SOX6: variants seen among roughly 807,000 people sequenced by gnomAD.
SOX6 encodes the protein SRY-box transcription factor 6.
Under a neutral mutation model 97.8 loss-of-function variants are expected in SOX6, and 11 were observed. The ratio of observed to expected loss-of-function variants is 0.11; its 90% CI spans 0.07 to 0.19. The LOEUF (loss-of-function observed/expected upper bound fraction) is 0.19. SOX6 is among the 10% of genes least tolerant of loss of function. SOX6 has a pLI of 1.00. For missense variants in SOX6, 810 were observed against 1,039.5 expected (o/e 0.78, Z 3.04); for synonymous variants, 360 against 371.4 (o/e 0.97, Z 0.35).
intron 4 of SOX6, among the ~76,000 whole-genome samples, chr11:16,583,640 C>CATATGTATATATATAT (rs1342015213): frequency 2.2e-5 from 2 of 92,840 alleles, no homozygotes; most frequent in Non-Finnish European, 5.0e-5. Context: ...TATATATACA[C>CATATGTATATATATAT]ATACACACAC....
intron 4 of SOX6, chr11:16,484,259 A>G: frequency 9.1e-7 from 1 of 1,093,444 alleles, no homozygotes; most frequent in Non-Finnish European, 1.4e-6. Context: ...TGTGTCCAGA[A>G]TGTTGGTGTC....
At chr11:16,624,119 C>A (rs1176006157) in intron 3 of SOX6, among the ~76,000 whole-genome samples, 1 of 152,068 alleles carries the variant, frequency 6.6e-6, no homozygotes, top group Non-Finnish European at 1.5e-5. Context: ...TTTGTTTACT[C>A]AACAGAATGT....
At chr11:15,997,259 A>G (rs1854252488) in intron 13 of SOX6, among the ~76,000 whole-genome samples, 1 of 152,182 alleles carries the variant, frequency 6.6e-6, no homozygotes, top group Non-Finnish European at 1.5e-5. Flanking sequence ...CCACAAAGAA[A>G]ATTGAAGCCC....
chr11:16,089,365 A>C (rs908494166), intron 9 of SOX6, among the ~76,000 whole-genome samples: 1 of 152,136 alleles, frequency 6.6e-6, no homozygotes, highest in African/African-American at 2.4e-5. Flanking sequence ...ATAAGAGAAG[A>C]ATGAAAGGTA....
chr11:16,639,755 A>AT (rs1300717981), intron 3 of SOX6, among the ~76,000 whole-genome samples: 3 of 152,064 alleles, frequency 2.0e-5, no homozygotes, highest in African/African-American at 4.8e-5. Context: ...TTGCACATTG[A>AT]TTTTGTATCC....
chr11:16,364,073 T>C (rs1473703263), intron 1 of SOX6, among the ~76,000 whole-genome samples: 2 of 152,176 alleles, frequency 1.3e-5, no homozygotes, highest in Admixed American at 6.6e-5. Flanking sequence ...TACTGGCATA[T>C]TATATTACCC....
intron 4 of SOX6, among the ~76,000 whole-genome samples, chr11:16,511,032 A>C (rs1860872913): frequency 6.6e-6 from 1 of 152,170 alleles, no homozygotes. Context: ...AGGGAAGGAT[A>C]CTAAGACGAA....
chr11:16,277,288 C>G (rs1460283741), intron 3 of SOX6, among the ~76,000 whole-genome samples: 1 of 151,988 alleles, frequency 6.6e-6, no homozygotes. Flanking sequence ...AGAGATCTCC[C>G]TCTTATCCCT....
chr11:16,321,102 G>T (rs184673772), intron 2 of SOX6, among the ~76,000 whole-genome samples: 220 of 152,190 alleles, frequency 1.4e-3, no homozygotes, highest in Non-Finnish European at 2.8e-3. Context: ...CCACTTGTGT[G>T]AATGAAAATG....
chr11:16,712,327 A>G (rs113128015), intron 3 of SOX6, among the ~76,000 whole-genome samples: 3,539 of 152,086 alleles, frequency 0.023, 146 homozygotes, highest in African/African-American at 0.081. Context: ...TCTCCACACC[A>G]TTTTCCATAG....
rs564473374 is a variant in SOX6 at position 16,084,810 on chromosome 11, G to A, written c.1101+11186C>T. Among the ~76,000 whole-genome samples, 4 of 152,214 alleles carry A rather than the reference G, an allele frequency of 2.6e-5. No homozygotes were observed. The South Asian group carries it at 6.2e-4, about 24-fold the overall frequency. On this transcript the variant is annotated intron_variant, in intron 9 of 15. Coordinates refer to ENST00000683767, the MANE Select transcript of SOX6 (RefSeq NM_001367873.1). ...AGTCATCTTTCTGTTTCACAGTGGG[G>A]TATGTCTGTATTTGGCAATAGAGTT...
At chr11:16,341,739 T>G (rs1432697463) in intron 1 of SOX6, among the ~76,000 whole-genome samples, 1 of 152,144 alleles carries the variant, frequency 6.6e-6, no homozygotes, top group East Asian at 1.9e-4. Flanking sequence ...GAAAATATAA[T>G]CAGGAGAGTA....
At chr11:15,978,970 A>G (rs1177045198) in intron 15 of SOX6, among the ~76,000 whole-genome samples, 1 of 126,752 alleles carries the variant, frequency 7.9e-6, no homozygotes, top group African/African-American at 2.7e-5. Context: ...TATTTTATAT[A>G]TATGAGCATA....
At chr11:16,513,263 A>G (rs1391906875) in intron 4 of SOX6, among the ~76,000 whole-genome samples, 1 of 152,236 alleles carries the variant, frequency 6.6e-6, no homozygotes, top group Non-Finnish European at 1.5e-5. Context: ...GATAATTTAA[A>G]AAGAAATAAA....
chr11:16,490,362 CT>C (rs1204886477), intron 4 of SOX6, among the ~76,000 whole-genome samples: 1 of 151,804 alleles, frequency 6.6e-6, no homozygotes, highest in Non-Finnish European at 1.5e-5. Flanking sequence ...CTATGACCCC[CT>C]AGGTATACTC....
At chr11:16,176,953 T>G (rs1299315781) in intron 6 of SOX6, among the ~76,000 whole-genome samples, 1 of 151,856 alleles carries the variant, frequency 6.6e-6, no homozygotes. Flanking sequence ...ATCTAAAGGC[T>G]TTGGACTAGA....
At chr11:16,271,034 T>C (rs1409717815) in intron 3 of SOX6, among the ~76,000 whole-genome samples, 1 of 151,466 alleles carries the variant, frequency 6.6e-6, no homozygotes, top group Non-Finnish European at 1.5e-5. Context: ...ATATTTATTT[T>C]ACCACAGTAG....
intron 9 of SOX6, among the ~76,000 whole-genome samples, chr11:16,090,436 T>A (rs1455108): frequency 0.021 from 3,174 of 152,178 alleles, 106 homozygotes; most frequent in African/African-American, 0.072. Flanking sequence ...TCTGCTTCAC[T>A]GACTACAATG....
rs762514628 is a variant in SOX6 at position 16,096,056 on chromosome 11, G to C, written c.1041C>G (p.Gly347=). 1.2e-6 allele frequency: 2 copies of C among 1,611,276 alleles called. No individual in the cohort carries two copies. Among genetic ancestry groups the C allele is most frequent in the Non-Finnish European group, 1.7e-6 (2 of 1,178,528 alleles). Residue 347 remains glycine (G), a synonymous_variant, in exon 9 of 16, where the codon GGC becomes GGG. Coordinates refer to ENST00000683767, the MANE Select transcript of SOX6 (RefSeq NM_001367873.1). The part of the protein sequence containing the change: ...QRLKGLSDRF[G]RNLDTFEHGG... ...CATGTTCAAAGGTGTCCAAATTCCTGCCAAAACGGTCACTTAGGCCCTTTA... is the reference window on the plus strand; with the variant it reads ...CATGTTCAAAGGTGTCCAAATTCCTCCCAAAACGGTCACTTAGGCCCTTTA...
Sources: gnomAD v4.1 joint callset for allele counts (sites outside exome capture counted in the v4.1 genomes callset) on GRCh38, gnomAD v4.1.1 for gene constraint, MANE v1.5 for transcripts, NCBI Gene and HGNC (gene_info 2026-07-23, HGNC 2026-07-21) for gene names.